The following DIAPH2 variants were observed in gnomAD, a reference collection of about 807,000 sequenced individuals.
DIAPH2 encodes the protein diaphanous related formin 2.
In DIAPH2, 35 loss-of-function variants were observed where a neutral mutation model predicts 92.7. The observed-to-expected ratio is 0.38, with a 90% CI of 0.29 to 0.50. DIAPH2 has a LOEUF of 0.50. DIAPH2 is among the 20% of genes least tolerant of loss of function. The pLI, the probability that DIAPH2 is intolerant of heterozygous loss-of-function variation, is 0.94. For synonymous variants in DIAPH2, 301 were observed against 280.4 expected, an observed-to-expected ratio of 1.07 and a Z score of -0.73; for missense variants, 701 against 819.5, an observed-to-expected ratio of 0.86 and a Z score of 1.77.
chrX:97,180,572 C>A (rs1424896563), intron 22 of DIAPH2, among the ~76,000 whole-genome samples: 2 of 111,949 alleles, frequency 1.8e-5, no homozygotes, highest in Non-Finnish European at 1.9e-5. Flanking sequence ...GTCATGAAAT[C>A]TTTGCCCATG....
intron 22 of DIAPH2, among the ~76,000 whole-genome samples, chrX:97,171,296 A>G (rs1249773407): frequency 8.9e-6 from 1 of 112,593 alleles, no homozygotes; most frequent in East Asian, 2.8e-4. Context: ...ATTATTAGGC[A>G]CTTTTCAACA....
intron 17 of DIAPH2, among the ~76,000 whole-genome samples, chrX:96,967,668 C>T (rs1217754356): frequency 9.0e-6 from 1 of 110,658 alleles, no homozygotes; most frequent in Non-Finnish European, 1.9e-5. Flanking sequence ...CCACCCGCCT[C>T]GACCTCCCAA....
At chrX:96,765,987 G>A (rs937924615) in intron 4 of DIAPH2, among the ~76,000 whole-genome samples, 1 of 111,134 alleles carries the variant, frequency 9.0e-6, no homozygotes, top group African/African-American at 3.3e-5. Flanking sequence ...AGAAGAAGCT[G>A]TCCTAGGTAA....
At chrX:97,585,683 A>T in intron 26 of DIAPH2, among the ~76,000 whole-genome samples, 1 of 111,017 alleles carries the variant, frequency 9.0e-6, no homozygotes, top group Non-Finnish European at 1.9e-5. Flanking sequence ...CTCTAAGAAA[A>T]TATCACCCCT....
At chrX:97,232,497 G>C (rs1012174258) in intron 22 of DIAPH2, among the ~76,000 whole-genome samples, 34 of 111,735 alleles carry the variant, frequency 3.0e-4, no homozygotes, top group African/African-American at 1.1e-3. Context: ...AAAGTACTGA[G>C]ATTACAGGTG....
At chrX:97,418,420 C>T (rs2069971648) in intron 25 of DIAPH2, among the ~76,000 whole-genome samples, 1 of 111,848 alleles carries the variant, frequency 8.9e-6, no homozygotes, top group South Asian at 3.8e-4. Context: ...TCTCATGTGT[C>T]ACTTGTGTTA....
chrX:97,439,541 G>A (rs1238430598), intron 26 of DIAPH2, among the ~76,000 whole-genome samples: 3 of 108,755 alleles, frequency 2.8e-5, no homozygotes, highest in African/African-American at 1.0e-4. Context: ...TTGCACTCCA[G>A]CCTGAGCGAC....
chrX:96,691,556 C>G (rs2063798193), intron 1 of DIAPH2, among the ~76,000 whole-genome samples: 1 of 112,354 alleles, frequency 8.9e-6, no homozygotes, highest in Non-Finnish European at 1.9e-5. Context: ...GTAGCTTAAA[C>G]AGACAACTGA....
chrX:97,212,748 T>C (rs1935367634), intron 22 of DIAPH2, among the ~76,000 whole-genome samples: 1 of 110,664 alleles, frequency 9.0e-6, no homozygotes, highest in South Asian at 3.8e-4. Context: ...TATAACTTCT[T>C]GAGACATTAG....
intron 22 of DIAPH2, among the ~76,000 whole-genome samples, chrX:97,198,812 A>G (rs2067724452): frequency 9.0e-6 from 1 of 111,023 alleles, no homozygotes; most frequent in Admixed American, 9.7e-5. Context: ...AGTCACAGTG[A>G]TTTTCCAGCA....
At chrX:97,194,196 T>C (rs748175588) in intron 22 of DIAPH2, among the ~76,000 whole-genome samples, 1 of 111,650 alleles carries the variant, frequency 9.0e-6, no homozygotes, top group East Asian at 2.8e-4. Context: ...TCTTTGCATA[T>C]TAGTATTAAA....
intron 17 of DIAPH2, among the ~76,000 whole-genome samples, chrX:97,063,033 C>CAAAAAA (rs56405925): frequency 5.2e-5 from 3 of 57,337 alleles, no homozygotes; most frequent in Non-Finnish European, 9.2e-5. Flanking sequence ...AACTCTGTCT[C>CAAAAAA]AAAAAAAAAA....
intron 21 of DIAPH2, among the ~76,000 whole-genome samples, chrX:97,118,497 G>T (rs2067031630): frequency 9.0e-6 from 1 of 111,686 alleles, no homozygotes; most frequent in South Asian, 3.8e-4. Flanking sequence ...GTTAGGAGCA[G>T]GTAAAGGGAT....
intron 18 of DIAPH2, among the ~76,000 whole-genome samples, 182 bp downstream of exon 18, chrX:97,073,224 T>G (rs1437059703): frequency 8.9e-6 from 1 of 112,142 alleles, no homozygotes; most frequent in Non-Finnish European, 1.9e-5. Context: ...AGGAGAAAAT[T>G]CTAATTCAAC....
intron 22 of DIAPH2, among the ~76,000 whole-genome samples, chrX:97,148,837 T>C (rs1458280885): frequency 8.9e-6 from 1 of 111,747 alleles, no homozygotes; most frequent in African/African-American, 3.3e-5. Context: ...TAAATTAGAA[T>C]AAGGAGGACA....
chrX:97,163,728 A>T (rs1249104311), intron 22 of DIAPH2, among the ~76,000 whole-genome samples: 2 of 111,899 alleles, frequency 1.8e-5, no homozygotes, highest in Admixed American at 9.5e-5. Flanking sequence ...CCCTATGCAG[A>T]TATTAAAACT....
At chrX:97,253,915 A>G (rs927331968) in intron 23 of DIAPH2, among the ~76,000 whole-genome samples, 7 of 112,202 alleles carry the variant, frequency 6.2e-5, no homozygotes, top group African/African-American at 2.3e-4. Flanking sequence ...GCATTCTGAT[A>G]CAACAAAGGC....
At chrX:97,061,762 C>T (rs1338534836) in intron 17 of DIAPH2, among the ~76,000 whole-genome samples, 1 of 101,354 alleles carries the variant, frequency 9.9e-6, no homozygotes, top group African/African-American at 3.7e-5. Flanking sequence ...TGCAGTAGGC[C>T]GAGATCGCAC....
chrX:97,459,446 A>T (rs1305989193), intron 26 of DIAPH2, among the ~76,000 whole-genome samples: 1 of 112,196 alleles, frequency 8.9e-6, no homozygotes, highest in Non-Finnish European at 1.9e-5. Context: ...TGAGAACTAT[A>T]TGAGTTAACA....
Sources: gnomAD v4.1 joint callset for allele counts (sites outside exome capture counted in the v4.1 genomes callset) on GRCh38, gnomAD v4.1.1 for gene constraint, MANE v1.5 for transcripts, NCBI Gene and HGNC (gene_info 2026-07-23, HGNC 2026-07-21) for gene names.